PTH2R: variants seen among roughly 807,000 people sequenced by gnomAD.
PTH2R encodes parathyroid hormone 2 receptor, also known as PTH2 receptor.
PTH2R carries 59 observed loss-of-function variants against 60.3 expected under a neutral mutation model. The observed-to-expected ratio is 0.98, with a 90% CI of 0.79 to 1.22. The LOEUF (loss-of-function observed/expected upper bound fraction) is 1.22, where lower values mean the gene tolerates loss of function less well. Among genes scored for constraint, PTH2R ranks in the 50% most tolerant of loss-of-function variants. The pLI is 0.00. For missense variants in PTH2R, 749 were observed against 682.6 expected, an observed-to-expected ratio of 1.10 and a Z score of -1.08; for synonymous variants, 256 against 243.8, an observed-to-expected ratio of 1.05 and a Z score of -0.47.
At chr2:208,443,008 T>TTCATAC (rs1262687487) in intron 5 of PTH2R, among the ~76,000 whole-genome samples, 1 of 152,218 alleles carries the variant, frequency 6.6e-6, no homozygotes, top group African/African-American at 2.4e-5. Context: ...AAAAGTTTGG[T>TTCATAC]TGTGTTCATA....
At chr2:208,489,571 T>C (rs1703357192) in intron 11 of PTH2R, among the ~76,000 whole-genome samples, 1 of 152,156 alleles carries the variant, frequency 6.6e-6, no homozygotes, top group Non-Finnish European at 1.5e-5. Flanking sequence ...TTTATCTCAT[T>C]TGAAGCTGTA....
chr2:208,458,150 G>A (rs1211499063), intron 8 of PTH2R, among the ~76,000 whole-genome samples: 3 of 152,098 alleles, frequency 2.0e-5, no homozygotes, highest in African/African-American at 7.2e-5. Context: ...ACCAGATTGG[G>A]TGAGCATGAG....
At chr2:208,379,473 T>C (rs1275675606) in intron 1 of PTH2R, among the ~76,000 whole-genome samples, 1 of 152,160 alleles carries the variant, frequency 6.6e-6, no homozygotes, top group Non-Finnish European at 1.5e-5. Context: ...CTTTTGCTCA[T>C]TGGAAAGATA....
chr2:208,412,171 T>A (rs1392624674), intron 1 of PTH2R, among the ~76,000 whole-genome samples: 1 of 152,226 alleles, frequency 6.6e-6, no homozygotes, highest in Non-Finnish European at 1.5e-5. Context: ...TTACATTTAT[T>A]AATATAAGTA....
chr2:208,381,879 A>C (rs1700921124), intron 1 of PTH2R, among the ~76,000 whole-genome samples: 1 of 152,154 alleles, frequency 6.6e-6, no homozygotes, highest in African/African-American at 2.4e-5. Context: ...GATATCATAT[A>C]AAGGGAATCA....
chr2:208,437,282 C>T (rs557662891), intron 2 of PTH2R, among the ~76,000 whole-genome samples: 2 of 152,204 alleles, frequency 1.3e-5, no homozygotes, highest in East Asian at 1.9e-4. Context: ...GCTACCATAA[C>T]TAGTATGCTG....
At chr2:208,365,962 T>TATATA (rs1559198853) in intron 1 of PTH2R, among the ~76,000 whole-genome samples, 3 of 12,510 alleles carry the variant, frequency 2.4e-4, no homozygotes. Context: ...ATATATATAT[T>TATATA]TTTTTTTTTT....
At chr2:208,377,163 A>G (rs931305795) in intron 1 of PTH2R, among the ~76,000 whole-genome samples, 2 of 152,050 alleles carry the variant, frequency 1.3e-5, no homozygotes, top group Non-Finnish European at 2.9e-5. Context: ...GACACAGCAC[A>G]TGTTTCAGAG....
chr2:208,420,063 C>T (rs1701722480), intron 1 of PTH2R, among the ~76,000 whole-genome samples: 1 of 151,506 alleles, frequency 6.6e-6, no homozygotes, highest in Non-Finnish European at 1.5e-5. Flanking sequence ...CATGTTCTCA[C>T]TTATAGGTGG....
rs529866504 is a variant in PTH2R at position 208,420,455 on chromosome 2, AT to A, written c.76-7737del. Among the ~76,000 whole-genome samples the A allele has an allele frequency of 1.9e-4, 29 of 151,288 alleles. 1 individual carries two copies. The East Asian group carries it at 4.5e-3, about 23-fold the overall frequency. Reference sequence around the variant, plus strand: ...ATTTGCCAGCAGAATGTTGCTCTCAATTTTTTTTTGCTAATGAAGTAGTCTT... The same window carrying A: ...ATTTGCCAGCAGAATGTTGCTCTCAATTTTTTTTGCTAATGAAGTAGTCTT... On this transcript the variant is annotated intron_variant, in intron 1 of 12. Coordinates refer to ENST00000272847, the MANE Select transcript of PTH2R (RefSeq NM_005048.4).
intron 9 of PTH2R, among the ~76,000 whole-genome samples, chr2:208,471,509 C>T (rs1303479623): frequency 2.6e-5 from 4 of 152,212 alleles, no homozygotes; most frequent in Non-Finnish European, 5.9e-5. Context: ...GCCTTGGCAG[C>T]TTCCATGTGG....
intron 8 of PTH2R, among the ~76,000 whole-genome samples, chr2:208,456,023 G>C (rs1418679509): frequency 6.6e-6 from 1 of 152,152 alleles, no homozygotes; most frequent in African/African-American, 2.4e-5. Context: ...CTGATCCCTT[G>C]AGGCCAGGGG....
chr2:208,378,565 C>T (rs1050035253), intron 1 of PTH2R, among the ~76,000 whole-genome samples: 2 of 151,892 alleles, frequency 1.3e-5, no homozygotes, highest in African/African-American at 2.4e-5. Context: ...GGAGCCCTCC[C>T]GAATAAATTT....
chr2:208,432,280 A>G (rs1042239602), intron 2 of PTH2R, among the ~76,000 whole-genome samples: 5 of 152,196 alleles, frequency 3.3e-5, no homozygotes, highest in African/African-American at 4.8e-5. Context: ...AAAAGTATGA[A>G]TAAGTTTCTG....
intron 12 of PTH2R, among the ~76,000 whole-genome samples, chr2:208,492,024 T>C (rs923717702): frequency 1.3e-5 from 2 of 152,228 alleles, no homozygotes; most frequent in African/African-American, 4.8e-5. Flanking sequence ...AGAAGTTTGT[T>C]GTTTCAGGTG....
chr2:208,414,687 A>T (rs7581947), intron 1 of PTH2R, among the ~76,000 whole-genome samples: 119 of 152,292 alleles, frequency 7.8e-4, no homozygotes, highest in African/African-American at 2.8e-3. Context: ...TGGTCTGCTA[A>T]CCAAATTCAT....
intron 1 of PTH2R, among the ~76,000 whole-genome samples, chr2:208,418,872 T>A (rs935936853): frequency 4.6e-5 from 7 of 152,226 alleles, no homozygotes; most frequent in African/African-American, 1.7e-4. Flanking sequence ...TAATAGCCTA[T>A]TTTGTAGAAG....
At chr2:208,430,081 G>A (rs543344985) in intron 2 of PTH2R, among the ~76,000 whole-genome samples, 1 of 152,184 alleles carries the variant, frequency 6.6e-6, no homozygotes, top group East Asian at 1.9e-4. Flanking sequence ...CCGCCAACTA[G>A]TATGGAAGAT....
chr2:208,408,765 A>AGAGAGAGAGAGAG (rs58469801), intron 1 of PTH2R, among the ~76,000 whole-genome samples: 8 of 150,780 alleles, frequency 5.3e-5, no homozygotes, highest in South Asian at 2.1e-4. Context: ...AGAGAGAGAG[A>AGAGAGAGAGAGAG]AATAAATAAT....
Sources: gnomAD v4.1 joint callset for allele counts (sites outside exome capture counted in the v4.1 genomes callset) on GRCh38, gnomAD v4.1.1 for gene constraint, MANE v1.5 for transcripts, NCBI Gene and HGNC (gene_info 2026-07-23, HGNC 2026-07-21) for gene names.